The following CNTNAP2 variants were observed in gnomAD, a reference collection of about 807,000 sequenced individuals.
CNTNAP2 encodes the protein contactin-associated protein-like 2.
CNTNAP2 carries 98 observed loss-of-function variants against 155.2 expected under a neutral mutation model. The observed-to-expected ratio is 0.63, with a 90% CI of 0.54 to 0.75. The LOEUF is 0.75. CNTNAP2 is among the 30% of genes least tolerant of loss of function. The pLI is 0.00. For synonymous variants in CNTNAP2, 651 were observed against 631.2 expected, an observed-to-expected ratio of 1.03 and a Z score of -0.47; for missense variants, 1,727 against 1,688.1, an observed-to-expected ratio of 1.02 and a Z score of -0.40.
intron 15 of CNTNAP2, among the ~76,000 whole-genome samples, chr7:148,002,068 T>C (rs919433611): frequency 6.6e-6 from 1 of 152,214 alleles, no homozygotes; most frequent in African/African-American, 2.4e-5. Context: ...TTCACAAATT[T>C]TCTCTCCATG....
rs73747316 is a variant in CNTNAP2, at chr7:148,016,612, T to G, written c.2383+38623T>G. 9.3e-3 allele frequency among the ~76,000 whole-genome samples: 1,423 copies of G among 152,366 alleles called. 18 individuals are homozygous for G. Among genetic ancestry groups the G allele is most frequent in the African/African-American group, 0.033 (1,365 of 41,582 alleles). On this transcript the variant is annotated intron_variant, in intron 15 of 23. Coordinates refer to ENST00000361727, the MANE Select transcript of CNTNAP2 (RefSeq NM_014141.6). Reference sequence around the variant, plus strand: ...CTTAAAGATAATTTCTTCTTCTGATTACAAAAGTTACACATGCTCATTGTC... The same window carrying G: ...CTTAAAGATAATTTCTTCTTCTGATGACAAAAGTTACACATGCTCATTGTC...
intron 1 of CNTNAP2, among the ~76,000 whole-genome samples, chr7:146,525,276 T>G (rs2533516): frequency 0.035 from 5,391 of 152,172 alleles, 305 homozygotes; most frequent in African/African-American, 0.12. Context: ...GAAATGAAGT[T>G]TTTTTCTAGT....
chr7:148,104,024 C>A (rs925362791), intron 15 of CNTNAP2, among the ~76,000 whole-genome samples: 15 of 152,144 alleles, frequency 9.9e-5, no homozygotes, highest in African/African-American at 3.4e-4. Flanking sequence ...TGCTTTAAAT[C>A]ATCACAAACC....
intron 12 of CNTNAP2, among the ~76,000 whole-genome samples, chr7:147,623,976 T>G (rs1024773741): frequency 6.6e-6 from 1 of 152,096 alleles, no homozygotes; most frequent in African/African-American, 2.4e-5. Context: ...TACAGCGAAT[T>G]CATTTTGACA....
chr7:147,521,608 C>A (rs1208571446), intron 11 of CNTNAP2, among the ~76,000 whole-genome samples: 2 of 152,126 alleles, frequency 1.3e-5, no homozygotes, highest in African/African-American at 4.8e-5. Context: ...ATAAGCTGCT[C>A]TGATCAGGTA....
intron 1 of CNTNAP2, among the ~76,000 whole-genome samples, chr7:146,308,674 T>A (rs959910290): frequency 6.6e-6 from 1 of 152,134 alleles, no homozygotes; most frequent in African/African-American, 2.4e-5. Context: ...TCATGTCCTC[T>A]TAGGGACATG....
At chr7:148,192,427 C>A (rs1352016955) in intron 18 of CNTNAP2, among the ~76,000 whole-genome samples, 6 of 151,940 alleles carry the variant, frequency 3.9e-5, no homozygotes, top group Non-Finnish European at 8.8e-5. Context: ...AACTTAAATA[C>A]CACATTAAAA....
At chr7:146,389,658 T>A (rs1182511034) in intron 1 of CNTNAP2, among the ~76,000 whole-genome samples, 3 of 151,464 alleles carry the variant, frequency 2.0e-5, no homozygotes. Flanking sequence ...TGCATTGTCT[T>A]TTCTCTGAGC....
At chr7:146,377,254 T>C (rs1795316433) in intron 1 of CNTNAP2, among the ~76,000 whole-genome samples, 1 of 152,130 alleles carries the variant, frequency 6.6e-6, no homozygotes, top group Non-Finnish European at 1.5e-5. Flanking sequence ...TATACAATAC[T>C]GTGGAGGATT....
chr7:146,560,179 T>C (rs988100222), intron 1 of CNTNAP2, among the ~76,000 whole-genome samples: 1 of 152,120 alleles, frequency 6.6e-6, no homozygotes, highest in South Asian at 2.1e-4. Flanking sequence ...TGATTCTATC[T>C]TGAGTCCACC....
chr7:146,989,643 G>T (rs1798174734), intron 3 of CNTNAP2, among the ~76,000 whole-genome samples: 5 of 152,046 alleles, frequency 3.3e-5, no homozygotes, highest in Admixed American at 3.3e-4. Context: ...TCTAGGTTAG[G>T]AGCTTATAGT....
At chr7:147,807,993 A>AT (rs1422956144) in intron 13 of CNTNAP2, among the ~76,000 whole-genome samples, 4 of 152,032 alleles carry the variant, frequency 2.6e-5, no homozygotes, top group African/African-American at 7.2e-5. Context: ...TTTTAAAAAA[A>AT]AAAAATAAAA....
At chr7:147,072,998 A>C (rs1429978777) in intron 4 of CNTNAP2, among the ~76,000 whole-genome samples, 13 of 150,082 alleles carry the variant, frequency 8.7e-5, no homozygotes, top group African/African-American at 3.2e-4. Flanking sequence ...GACTACAGGC[A>C]CCCGCCACCA....
chr7:146,692,585 A>G (rs1800716244), intron 1 of CNTNAP2, among the ~76,000 whole-genome samples: 1 of 152,212 alleles, frequency 6.6e-6, no homozygotes, highest in Non-Finnish European at 1.5e-5. Context: ...ACAAAGAATT[A>G]AAATAGATAA....
At chr7:146,340,670 C>T (rs955178751) in intron 1 of CNTNAP2, among the ~76,000 whole-genome samples, 2 of 152,034 alleles carry the variant, frequency 1.3e-5, no homozygotes, top group African/African-American at 4.8e-5. Context: ...GATAAAATTG[C>T]CATGATCATG....
intron 1 of CNTNAP2, among the ~76,000 whole-genome samples, chr7:146,183,099 G>T (rs1798572565): frequency 6.6e-6 from 1 of 151,974 alleles, no homozygotes; most frequent in Admixed American, 6.6e-5. Flanking sequence ...TCCATGTTTT[G>T]CAAAAGGCTT....
Position 147,813,070 on chromosome 7 carries a change from T to TA in CNTNAP2, c.2099-90489dup, listed in dbSNP as rs1390092093. 3.3e-4 allele frequency among the ~76,000 whole-genome samples: 50 copies of TA among 151,370 alleles called. 1 individual carries two copies. Among genetic ancestry groups the TA allele is most frequent in the Non-Finnish European group, 2.8e-4 (19 of 67,900 alleles). ...AGAACATTTGATCCTTGGTTGATGC[T>TA]AAAAAATTGTTTCACTATTTGAAAA... On this transcript the variant is annotated intron_variant, in intron 13 of 23. Transcript: ENST00000361727.
intron 13 of CNTNAP2, among the ~76,000 whole-genome samples, chr7:147,733,385 G>A (rs1471355910): frequency 6.6e-6 from 1 of 152,156 alleles, no homozygotes; most frequent in East Asian, 1.9e-4. Flanking sequence ...CTATATCTCT[G>A]TTTTGGTACC....
At chr7:148,375,017 T>C (rs1377565459) in intron 21 of CNTNAP2, among the ~76,000 whole-genome samples, 1 of 152,162 alleles carries the variant, frequency 6.6e-6, no homozygotes, top group Non-Finnish European at 1.5e-5. Flanking sequence ...CACCTGAGGC[T>C]GAGGAATGGG....
Sources: gnomAD v4.1 joint callset for allele counts (sites outside exome capture counted in the v4.1 genomes callset) on GRCh38, gnomAD v4.1.1 for gene constraint, MANE v1.5 for transcripts, NCBI Gene and HGNC (gene_info 2026-07-23, HGNC 2026-07-21) for gene names.